Variants in KCNJ3 observed in about 807,000 individuals in gnomAD.
The protein encoded by KCNJ3 is potassium inwardly rectifying channel subfamily J member 3, also known as G protein-activated inward rectifier potassium channel 1.
A neutral mutation model predicts 39.2 loss-of-function variants in KCNJ3; 4 were observed. The observed-to-expected ratio is 0.10, with a 90% CI of 0.05 to 0.23. The LOEUF is 0.23. Ranked by LOEUF, KCNJ3 falls within the 10% of genes least tolerant of loss-of-function variation. The pLI, the probability that KCNJ3 is intolerant of heterozygous loss-of-function variation, is 1.00. For synonymous variants in KCNJ3, 230 were observed against 237.4 expected (o/e 0.97, Z 0.29); for missense variants, 276 against 634.9 (o/e 0.43, Z 6.08).
intron 2 of KCNJ3, among the ~76,000 whole-genome samples, chr2:154,754,847 T>G (rs1210379598): frequency 6.6e-6 from 1 of 152,182 alleles, no homozygotes; most frequent in Non-Finnish European, 1.5e-5. Context: ...TTGATAAAAT[T>G]TGCTTGTGAA....
chr2:154,787,413 G>A (rs1162987827), intron 2 of KCNJ3, among the ~76,000 whole-genome samples: 1 of 151,886 alleles, frequency 6.6e-6, no homozygotes. Flanking sequence ...TCTCAGTCAG[G>A]GATTGACTCA....
At chr2:154,735,068 C>CGTGTGTGTGTGTGTGTGTGT (rs1171630763) in intron 2 of KCNJ3, among the ~76,000 whole-genome samples, 66 of 103,758 alleles carry the variant, frequency 6.4e-4, no homozygotes, top group Non-Finnish European at 3.7e-4. Flanking sequence ...CCCTTGTAGG[C>CGTGTGTGTGTGTGTGTGTGT]CTGTGTGTGT....
intron 2 of KCNJ3, among the ~76,000 whole-genome samples, chr2:154,757,895 A>G (rs1477847860): frequency 6.6e-6 from 1 of 152,110 alleles, no homozygotes; most frequent in Non-Finnish European, 1.5e-5. Context: ...TCATGGCTTA[A>G]TCACTTCTCA....
rs76320746 is a variant in KCNJ3 at position 154,704,744 on chromosome 2, C to T, written c.703-4859C>T. 2.5e-3 allele frequency among the ~76,000 whole-genome samples: 383 copies of T among 152,280 alleles called. 1 individual carries two copies. Among genetic ancestry groups the T allele is most frequent in the Non-Finnish European group, 3.5e-3 (240 of 68,010 alleles). On this transcript the variant is annotated intron_variant, in intron 1 of 2. Transcript: ENST00000295101. ...AGCCATTGCCCTAACTGCTTTGGGT[C>T]ACAAGGTACTTTTGTTCCTGATTCT...
At chr2:154,851,169 G>A (rs1687750324) in intron 2 of KCNJ3, among the ~76,000 whole-genome samples, 1 of 151,988 alleles carries the variant, frequency 6.6e-6, no homozygotes, top group Admixed American at 6.6e-5. Context: ...TTGAGCCCAG[G>A]GGTTTGAGGC....
intron 2 of KCNJ3, among the ~76,000 whole-genome samples, chr2:154,813,200 T>A (rs1487719419): frequency 3.9e-5 from 6 of 152,154 alleles, no homozygotes. Flanking sequence ...CTTGCCCTCT[T>A]TAGTAACTAG....
chr2:154,715,750 G>T (rs1005160876), intron 2 of KCNJ3, among the ~76,000 whole-genome samples: 7 of 132,426 alleles, frequency 5.3e-5, no homozygotes, highest in Admixed American at 2.9e-4. Flanking sequence ...AATCCCTTTC[G>T]TGTCAAGTTA....
chr2:154,765,121 C>G (rs1197091813), intron 2 of KCNJ3, among the ~76,000 whole-genome samples: 1 of 152,138 alleles, frequency 6.6e-6, no homozygotes, highest in Non-Finnish European at 1.5e-5. Context: ...TTGCCTCTAC[C>G]CACCATAGTG....
chr2:154,804,843 A>T (rs1320384622), intron 2 of KCNJ3, among the ~76,000 whole-genome samples: 1 of 152,186 alleles, frequency 6.6e-6, no homozygotes, highest in Non-Finnish European at 1.5e-5. Context: ...CTTTGTAAAC[A>T]TTAAACAAAA....
chr2:154,834,917 C>A (rs1687425876), intron 2 of KCNJ3, among the ~76,000 whole-genome samples: 2 of 147,926 alleles, frequency 1.4e-5, no homozygotes, highest in African/African-American at 4.9e-5. Context: ...GTTTAAAATA[C>A]CCTTAATTAT....
chr2:154,784,124 T>TA (rs765833475), intron 2 of KCNJ3, among the ~76,000 whole-genome samples: 9 of 152,206 alleles, frequency 5.9e-5, no homozygotes, highest in Non-Finnish European at 1.2e-4. Context: ...CAAGCATAAG[T>TA]ACGTTTTGTG....
chr2:154,845,728 T>C (rs1440031654), intron 2 of KCNJ3, among the ~76,000 whole-genome samples: 1 of 152,058 alleles, frequency 6.6e-6, no homozygotes, highest in East Asian at 1.9e-4. Context: ...CCCAGCACTT[T>C]GGGAGGCTGA....
At chr2:154,712,671 G>C (rs1036412286) in intron 2 of KCNJ3, among the ~76,000 whole-genome samples, 1 of 152,128 alleles carries the variant, frequency 6.6e-6, no homozygotes, top group African/African-American at 2.4e-5. Context: ...ATAAATAAGG[G>C]AGATATCAGA....
chr2:154,792,103 T>C (rs1686643827), intron 2 of KCNJ3, among the ~76,000 whole-genome samples: 4 of 152,078 alleles, frequency 2.6e-5, no homozygotes, highest in Admixed American at 2.6e-4. Context: ...TGCTCCTACT[T>C]GTCTTCCTGG....
chr2:154,816,641 C>T (rs1687087336), intron 2 of KCNJ3, among the ~76,000 whole-genome samples: 1 of 152,134 alleles, frequency 6.6e-6, no homozygotes, highest in African/African-American at 2.4e-5. Context: ...TAGGCTCTAT[C>T]TTTATAAATT....
chr2:154,761,553 A>G (rs1181972776), intron 2 of KCNJ3, among the ~76,000 whole-genome samples: 4 of 152,172 alleles, frequency 2.6e-5, no homozygotes, highest in Non-Finnish European at 5.9e-5. Flanking sequence ...TCAACTTCAT[A>G]ATTTTGGGTC....
At position 154,828,782 on chromosome 2, in the gene KCNJ3, A is replaced by G. The variant is rs191284503; in HGVS notation, c.920-25945A>G. On this transcript the variant is annotated intron_variant, in intron 2 of 2. Coordinates refer to ENST00000295101, the MANE Select transcript of KCNJ3 (RefSeq NM_002239.4). ...GTATGTAAAGTCTTGTATCTTTTCA[A>G]AATAAAGAACTTTTGCTCTATATTG... Among the ~76,000 whole-genome samples the G allele has an allele frequency of 4.9e-3, 744 of 152,294 alleles. 3 individuals carry two copies. Among genetic ancestry groups the G allele is most frequent in the Admixed American group, 8.2e-3 (125 of 15,290 alleles).
Position 154,783,823 on chromosome 2 carries a change from T to A in KCNJ3, c.920-70904T>A, listed in dbSNP as rs185197758. Among the ~76,000 whole-genome samples, 1,031 of 152,304 alleles carry A rather than the reference T, an allele frequency of 6.8e-3. 11 individuals are homozygous for A. Among genetic ancestry groups the A allele is most frequent in the Middle Eastern group, 0.01 (3 of 294 alleles). On this transcript the variant is annotated intron_variant, in intron 2 of 2. Transcript: ENST00000295101. ...AACTGTTTCCATTATTCTGGTTTTT[T>A]AAAAATTTGCTGAGTTTAAATTCTA...
chr2:154,826,376 T>C (rs1452806914), intron 2 of KCNJ3, among the ~76,000 whole-genome samples: 1 of 152,224 alleles, frequency 6.6e-6, no homozygotes, highest in Non-Finnish European at 1.5e-5. Context: ...TTCAAATACT[T>C]ATAAACTGTT....
Sources: gnomAD v4.1 joint callset for allele counts (sites outside exome capture counted in the v4.1 genomes callset) on GRCh38, gnomAD v4.1.1 for gene constraint, MANE v1.5 for transcripts, NCBI Gene and HGNC (gene_info 2026-07-23, HGNC 2026-07-21) for gene names.